The following SMYD3 variants were observed in gnomAD, a reference collection of about 807,000 sequenced individuals.
SMYD3 encodes SET and MYND domain containing 3.
Under a neutral mutation model 57.7 loss-of-function variants are expected in SMYD3, and 36 were observed. The observed-to-expected ratio is 0.62, with a 90% CI of 0.48 to 0.82. The LOEUF (loss-of-function observed/expected upper bound fraction) is 0.82. Among genes scored for constraint, SMYD3 ranks in the 40% least tolerant of loss-of-function variants. The probability of loss-of-function intolerance (pLI) is 0.00; values close to 1 mark genes in which losing one functional copy is unlikely to be tolerated. For synonymous variants in SMYD3, 211 were observed against 195.0 expected, an observed-to-expected ratio of 1.08 and a Z score of -0.68; for missense variants, 515 against 538.8, an observed-to-expected ratio of 0.96 and a Z score of 0.44.
At chr1:246,506,984 C>CCCA in intron 1 of SMYD3, 70 bp downstream of exon 1, 1 of 827,004 alleles carries the variant, frequency 1.2e-6, no homozygotes, top group Non-Finnish European at 1.7e-6. Flanking sequence ...TGCCGGCCGC[C>CCCA]CGACGCCCCC....
chr1:246,401,957 G>A (rs1187083012), intron 1 of SMYD3, among the ~76,000 whole-genome samples: 1 of 152,168 alleles, frequency 6.6e-6, no homozygotes, highest in Non-Finnish European at 1.5e-5. Flanking sequence ...CCCGACCTCA[G>A]GTGATCCGCC....
At chr1:246,053,249 G>A (rs1283441996) in intron 5 of SMYD3, among the ~76,000 whole-genome samples, 1 of 151,958 alleles carries the variant, frequency 6.6e-6, no homozygotes, top group Non-Finnish European at 1.5e-5. Context: ...TCAATATTAA[G>A]ATGTCAAATC....
At position 246,319,409 on chromosome 1, in the gene SMYD3, A is replaced by G. The variant is rs571035518; in HGVS notation, c.531+7792T>C. Among the ~76,000 whole-genome samples the G allele has an allele frequency of 1.4e-4, 21 of 152,292 alleles. No homozygotes were observed. The South Asian group carries it at 3.5e-3, about 26-fold the overall frequency. ...CTTTTAGTGTTAAATATTTAATGGC[A>G]TATTTTTCCTTAATGGAACCCAGGC... On this transcript the variant is annotated intron_variant, in intron 5 of 11. Coordinates refer to ENST00000490107, the MANE Select transcript of SMYD3 (RefSeq NM_001167740.2).
At chr1:245,944,159 GAA>G (rs2057356976) in intron 5 of SMYD3, among the ~76,000 whole-genome samples, 2 of 152,150 alleles carry the variant, frequency 1.3e-5, no homozygotes, top group South Asian at 4.1e-4. Context: ...GCAAGAGAGA[GAA>G]ATAAAGGGTA....
chr1:245,954,812 T>A (rs2057778774), intron 5 of SMYD3, among the ~76,000 whole-genome samples: 1 of 152,222 alleles, frequency 6.6e-6, no homozygotes, highest in Non-Finnish European at 1.5e-5. Context: ...GTATTCATTA[T>A]CTCTTACTTG....
intron 8 of SMYD3, among the ~76,000 whole-genome samples, chr1:245,913,298 TG>T (rs1449118378): frequency 1.4e-5 from 2 of 141,474 alleles, no homozygotes; most frequent in Middle Eastern, 4.2e-3. Flanking sequence ...CACTCATAGG[TG>T]GGAATTGAAC....
chr1:245,903,052 A>G (rs949901286), intron 8 of SMYD3, among the ~76,000 whole-genome samples: 1 of 152,210 alleles, frequency 6.6e-6, no homozygotes, highest in African/African-American at 2.4e-5. Context: ...CCTCAAGGAA[A>G]CTCAGTGATA....
At chr1:246,136,724 AAATG>A (rs1211650695) in intron 5 of SMYD3, among the ~76,000 whole-genome samples, 1 of 152,226 alleles carries the variant, frequency 6.6e-6, no homozygotes, top group African/African-American at 2.4e-5. Context: ...CATACAAATA[AAATG>A]AATGAATAAG....
chr1:245,774,125 G>C (rs185322373), intron 10 of SMYD3, among the ~76,000 whole-genome samples: 19 of 152,286 alleles, frequency 1.2e-4, no homozygotes, highest in African/African-American at 4.6e-4. Context: ...GCATTGTCAG[G>C]CCAGAATGTG....
intron 5 of SMYD3, among the ~76,000 whole-genome samples, chr1:246,100,607 A>G (rs968021129): frequency 9.9e-5 from 15 of 152,186 alleles, no homozygotes; most frequent in Admixed American, 4.6e-4. Flanking sequence ...CAAGCTTGTC[A>G]CCATCCTCCC....
At chr1:245,801,915 C>T (rs112671962) in intron 10 of SMYD3, among the ~76,000 whole-genome samples, 2 of 135,668 alleles carry the variant, frequency 1.5e-5, no homozygotes, top group Non-Finnish European at 3.1e-5. Context: ...CACCAAAACA[C>T]CAAAAAAAAA....
At position 245,794,864 on chromosome 1, in the gene SMYD3, T is replaced by G. The variant is rs184601365; in HGVS notation, c.1077-30715A>C. The stretch of plus-strand genomic sequence containing the variant: ...TTCTCCTGTTCTTGTTTCACATATG[T>G]TTGTCCCCCAATCCCAGTGGATATT... On this transcript the variant is annotated intron_variant, in intron 10 of 11. Transcript: ENST00000490107. 5.4e-3 allele frequency among the ~76,000 whole-genome samples: 826 copies of G among 152,332 alleles called. 7 individuals are homozygous for G. The highest frequency in any genetic ancestry group is 0.019 in the African/African-American group (790 of 41,588).
intron 5 of SMYD3, among the ~76,000 whole-genome samples, chr1:245,998,043 A>T (rs1472519750): frequency 6.6e-6 from 1 of 152,224 alleles, no homozygotes; most frequent in African/African-American, 2.4e-5. Context: ...GCATTCCTCC[A>T]GGGAAAACGC....
chr1:245,837,831 G>A (rs1199166757), intron 10 of SMYD3, among the ~76,000 whole-genome samples: 1 of 152,170 alleles, frequency 6.6e-6, no homozygotes, highest in Non-Finnish European at 1.5e-5. Flanking sequence ...ACATACATTT[G>A]TGTCTGGGGA....
At chr1:246,506,922 G>A (rs1439513772) in intron 1 of SMYD3, 132 bp downstream of exon 1, 16 of 850,468 alleles carry the variant, frequency 1.9e-5, no homozygotes, top group East Asian at 3.4e-5. Context: ...GCGCGTCAGG[G>A]GCAGCACCGC....
chr1:245,792,845 T>C lies in SMYD3; in HGVS notation c.1077-28696A>G, dbSNP rs112265067. On this transcript the variant is annotated intron_variant, in intron 10 of 11. Coordinates refer to ENST00000490107, the MANE Select transcript of SMYD3 (RefSeq NM_001167740.2). ...AGACAACGAAGTCTCCTCGGGATTTTATGCTGGCTCAGCTCGGTCATCTCA... is the reference window on the plus strand; with the variant it reads ...AGACAACGAAGTCTCCTCGGGATTTCATGCTGGCTCAGCTCGGTCATCTCA... 1.2e-3 allele frequency among the ~76,000 whole-genome samples: 178 copies of C among 152,270 alleles called. 3 individuals are homozygous for C. Among genetic ancestry groups the C allele is most frequent in the African/African-American group, 3.9e-3 (164 of 41,548 alleles).
Position 246,236,295 on chromosome 1 carries a change from A to G in SMYD3, c.531+90906T>C, listed in dbSNP as rs540816773. Reference sequence around the variant, plus strand: ...GCCGAGGCTGGCATGCCGTGGCGCAATAATAGCTCACTGCAGCCTCAACCT... The same window carrying G: ...GCCGAGGCTGGCATGCCGTGGCGCAGTAATAGCTCACTGCAGCCTCAACCT... On this transcript the variant is annotated intron_variant, in intron 5 of 11. Coordinates refer to ENST00000490107, the MANE Select transcript of SMYD3 (RefSeq NM_001167740.2). 3.9e-5 allele frequency among the ~76,000 whole-genome samples: 6 copies of G among 152,318 alleles called. No individual in the cohort carries two copies. The East Asian group carries it at 1.2e-3, about 29-fold the overall frequency.
intron 5 of SMYD3, among the ~76,000 whole-genome samples, chr1:246,035,910 C>T (rs1024173556): frequency 6.6e-6 from 1 of 152,164 alleles, no homozygotes; most frequent in African/African-American, 2.4e-5. Context: ...AGATGCAGCT[C>T]TAAACAACTA....
At chr1:246,347,152 A>T (rs1365718934) in intron 2 of SMYD3, among the ~76,000 whole-genome samples, 1 of 151,618 alleles carries the variant, frequency 6.6e-6, no homozygotes, top group East Asian at 1.9e-4. Context: ...AGACTTTATA[A>T]AAAAAAAACA....
Sources: gnomAD v4.1 joint callset for allele counts (sites outside exome capture counted in the v4.1 genomes callset) on GRCh38, gnomAD v4.1.1 for gene constraint, MANE v1.5 for transcripts, NCBI Gene and HGNC (gene_info 2026-07-23, HGNC 2026-07-21) for gene names.